DPP3: variants seen among roughly 807,000 people sequenced by gnomAD.
The protein encoded by DPP3 is DPP III.
In DPP3, 64 loss-of-function variants were observed where a neutral mutation model predicts 89.8. The ratio of observed to expected loss-of-function variants is 0.71; its 90% CI spans 0.58 to 0.88. The LOEUF (loss-of-function observed/expected upper bound fraction) is 0.88, where lower values mean the gene tolerates loss of function less well. DPP3 is among the 40% of genes least tolerant of loss of function. The probability of loss-of-function intolerance (pLI) is 0.00; values close to 1 mark genes in which losing one functional copy is unlikely to be tolerated. For synonymous variants in DPP3, 377 were observed against 404.3 expected (o/e 0.93, Z 0.81); for missense variants, 835 against 972.5 (o/e 0.86, Z 1.88).
At position 66,491,185 on chromosome 11, in the gene DPP3, C is replaced by G. The variant is rs79214558; in HGVS notation, c.668-68C>G. On this transcript the variant is annotated intron_variant, in intron 6 of 17. Transcript: ENST00000531863. ...GAAAAGCCGGCTGAGGTGTCTTACT[C>G]AGGCCTTTTCTCTGAGTGAGGCCTC... is the stretch of plus-strand genomic sequence containing the variant. 854 of 1,601,070 alleles carry G rather than the reference C, an allele frequency of 5.3e-4. 6 individuals are homozygous for G. In the African/African-American group the frequency reaches 0.01, roughly 20 times the overall value.
In DPP3 at chr11:66,482,348, C is replaced by G; in HGVS notation, c.148C>G (p.Leu50Val). 2 of 1,613,458 alleles carry G rather than the reference C, an allele frequency of 1.2e-6. No individual in the cohort carries two copies. Among genetic ancestry groups the G allele is most frequent in the Non-Finnish European group, 8.5e-7 (1 of 1,180,030 alleles). Residue 50 changes from leucine to valine, a missense_variant, in exon 2 of 18, where the codon CTT (leucine) becomes GTT (valine). By Grantham distance (32) the Leu-to-Val change is conservative (BLOSUM62 1). Transcript: ENST00000531863. ...CTGGTACGGAGGCCTGGCTGTGCTG[C>G]TTCAGACCTCCCCTGAGGCCCCCTA... Reference protein sequence around the residue: ...AAWYGGLAVLLQTSPEAPYIY... With the variant: ...AAWYGGLAVLVQTSPEAPYIY...
chr11:66,488,256 T>C (rs1362033414), intron 6 of DPP3, among the ~76,000 whole-genome samples: 2 of 152,000 alleles, frequency 1.3e-5, no homozygotes, highest in Non-Finnish European at 2.9e-5. Flanking sequence ...TACCCTGGAG[T>C]CAGGCGATGA....
At chr11:66,505,063 G>C (rs777304667) in intron 17 of DPP3, among the ~76,000 whole-genome samples, 2 of 152,158 alleles carry the variant, frequency 1.3e-5, no homozygotes, top group Non-Finnish European at 2.9e-5. Flanking sequence ...TGCAGACTTA[G>C]GGGGAAGCCA....
intron 4 of DPP3, among the ~76,000 whole-genome samples, 157 bp from the exon 5 acceptor site, chr11:66,487,107 ATGTT>A (rs1363688275): frequency 6.6e-6 from 1 of 151,532 alleles, no homozygotes; most frequent in Non-Finnish European, 1.5e-5. Context: ...GGAGATGAGC[ATGTT>A]TGTTTGTTTT....
chr11:66,505,312 C>G (rs1396241793), intron 17 of DPP3, among the ~76,000 whole-genome samples: 2 of 152,200 alleles, frequency 1.3e-5, no homozygotes, highest in Non-Finnish European at 2.9e-5. Context: ...CCCTTACTGC[C>G]TTCACTTTCC....
At chr11:66,490,698 C>T (rs1340958676) in intron 6 of DPP3, among the ~76,000 whole-genome samples, 2 of 151,968 alleles carry the variant, frequency 1.3e-5, no homozygotes, top group East Asian at 3.8e-4. Flanking sequence ...AGTTAACACA[C>T]GGAAAGCACA....
Position 66,495,648 on chromosome 11 carries a change from G to T in DPP3, c.1596G>T (p.Gly532=). 1 of 1,614,166 alleles carries T rather than the reference G, an allele frequency of 6.2e-7. No homozygotes were observed. The highest frequency in any genetic ancestry group is 2.2e-5 in the East Asian group (1 of 44,872). Residue 532 remains glycine (G), a synonymous_variant, in exon 15 of 18, where the codon GGG becomes GGT. Transcript: ENST00000531863. ...PQVLEIFGFE[G]ADAEDVIYVN... is the part of the protein sequence containing the mutation. ...CTCACAGGATCTTTGGCTTTGAGGG[G>T]GCTGATGCGGAGGACGTGATCTACG...
At position 66,490,145 on chromosome 11, in the gene DPP3, TAAAAAAAAAAAA is replaced by T. The variant is rs201526861; in HGVS notation, c.668-1091_668-1080del. 2.4e-3 allele frequency among the ~76,000 whole-genome samples: 224 copies of T among 94,816 alleles called. 1 individual carries two copies. The highest frequency in any genetic ancestry group is 6.4e-3 in the African/African-American group (191 of 29,930). 62.2% of individuals were successfully genotyped at this position (94,816 alleles called of 152,430 possible). A position where few individuals can be genotyped will look rare whatever the true frequency, so the allele number is the denominator to read the frequency against. ...CTGGGCAACCTTACAAGATCCTATC[TAAAAAAAAAAAA>T]AAAAAAAAAAAAAAAAGGCAGTAAG... On this transcript the variant is annotated intron_variant, in intron 6 of 17. Transcript: ENST00000531863.
chr11:66,488,360 G>A (rs1855290837), intron 6 of DPP3, among the ~76,000 whole-genome samples: 1 of 152,166 alleles, frequency 6.6e-6, no homozygotes, highest in South Asian at 2.1e-4. Context: ...TCAGGAGTTC[G>A]AGACCAGCCT....
intron 16 of DPP3, among the ~76,000 whole-genome samples, chr11:66,501,110 C>T (rs1203911218): frequency 6.6e-6 from 1 of 151,834 alleles, no homozygotes; most frequent in Non-Finnish European, 1.5e-5. Flanking sequence ...ATCGCTTGAA[C>T]CAGGAGGTGG....
Position 66,505,976 on chromosome 11 carries a change from G to A in DPP3, c.2041+1202G>A, listed in dbSNP as rs1477543833. On this transcript the variant is annotated intron_variant, in intron 17 of 17. Coordinates refer to ENST00000531863, the MANE Select transcript of DPP3 (RefSeq NM_130443.4). Reference sequence around the variant, plus strand: ...TTGTTTTTGTTTTTTTTGAGACGGAGTCTCACTCTGTCGCCTAGGCTGGAG... The same window carrying A: ...TTGTTTTTGTTTTTTTTGAGACGGAATCTCACTCTGTCGCCTAGGCTGGAG... Among the ~76,000 whole-genome samples the A allele has an allele frequency of 2.0e-5, 3 of 152,128 alleles. No individual in the cohort carries two copies. In the East Asian group the frequency reaches 5.8e-4, roughly 29 times the overall value.
At chr11:66,490,523 T>TAC (rs1396880690) in intron 6 of DPP3, among the ~76,000 whole-genome samples, 2 of 152,058 alleles carry the variant, frequency 1.3e-5, no homozygotes, top group Non-Finnish European at 2.9e-5. Flanking sequence ...CCAGTCACCC[T>TAC]CTTGTCTCCC....
intron 16 of DPP3, among the ~76,000 whole-genome samples, chr11:66,504,201 T>C (rs1855747223): frequency 6.8e-6 from 1 of 146,110 alleles, no homozygotes; most frequent in South Asian, 2.2e-4. Flanking sequence ...CAAGCAATCC[T>C]CTCACCTCGG....
chr11:66,506,278 G>T (rs1333579176), intron 17 of DPP3, among the ~76,000 whole-genome samples: 2 of 148,190 alleles, frequency 1.3e-5, no homozygotes, highest in Admixed American at 1.4e-4. Context: ...TTCTGAGACG[G>T]AGTTTCCCTC....
chr11:66,491,455 G>C (rs754482083), intron 7 of DPP3, 39 bp from the exon 8 acceptor site: 1 of 1,597,506 alleles, frequency 6.3e-7, no homozygotes, highest in Admixed American at 1.7e-5. Context: ...GTGGAGGTGG[G>C]TGGGTGGCCC....
intron 16 of DPP3, among the ~76,000 whole-genome samples, chr11:66,503,146 T>C (rs1203520024): frequency 6.6e-6 from 1 of 151,668 alleles, no homozygotes; most frequent in Non-Finnish European, 1.5e-5. Flanking sequence ...TTTTATATTT[T>C]TGTAGAGACA....
intron 9 of DPP3, chr11:66,492,454 T>A: frequency 2.3e-6 from 1 of 436,370 alleles, no homozygotes; most frequent in Non-Finnish European, 4.0e-6. Context: ...ACACACCTGT[T>A]GGGGCTCAGG....
In DPP3 at chr11:66,495,193, G is replaced by T. The variant is rs75604996; in HGVS notation, c.1390-13G>T. On this transcript the variant is annotated splice_polypyrimidine_tract_variant and intron_variant, in intron 12 of 17. Transcript: ENST00000531863. ...TGGGGGCGCCTTTCCCTCACCCACC[G>T]TGTGTTCTGCAGGACGAAAAAGGAG... 6.2e-7 allele frequency: 1 copy of T among 1,612,230 alleles called. No homozygotes were observed. Among genetic ancestry groups the T allele is most frequent in the Admixed American group, 1.7e-5 (1 of 60,028 alleles).
chr11:66,495,707 T>C lies in DPP3; in HGVS notation c.1655T>C (p.Leu552Pro). The change falls in exon 15 of 18, where the codon CTC becomes CCC. Residue 552 changes from leucine (L) to proline (P), a missense_variant. Leu to Pro is a moderately conservative substitution (Grantham distance 98). Transcript: ENST00000531863. ...NWLNMVRAGL[L>P]ALEFYTPEAF... ...CTCAACATGGTTCGGGCCGGGCTGC[T>C]CGCTCTGGAGTTCTACACACCTGAG... is the stretch of plus-strand genomic sequence containing the variant. The C allele has an allele frequency of 6.2e-7, 1 of 1,612,482 alleles. No homozygotes were observed. The highest frequency in any genetic ancestry group is 1.7e-5 in the Admixed American group (1 of 59,848).
Sources: gnomAD v4.1 joint callset for allele counts (sites outside exome capture counted in the v4.1 genomes callset) on GRCh38, gnomAD v4.1.1 for gene constraint, MANE v1.5 for transcripts, NCBI Gene and HGNC (gene_info 2026-07-23, HGNC 2026-07-21) for gene names.